Variants in ASIC2 observed in about 807,000 individuals in gnomAD.
The protein encoded by ASIC2 is acid sensing ion channel subunit 2, also known as acid-sensing ion channel 2.
A neutral mutation model predicts 57.3 loss-of-function variants in ASIC2; 25 were observed. The observed-to-expected ratio is 0.44, with a 90% CI of 0.32 to 0.61. The LOEUF (loss-of-function observed/expected upper bound fraction) is 0.61, where lower values mean the gene tolerates loss of function less well. Among genes scored for constraint, ASIC2 ranks in the 20% least tolerant of loss-of-function variants. ASIC2 has a pLI of 0.06. For synonymous variants in ASIC2, 319 were observed against 307.5 expected (o/e 1.04, Z -0.39); for missense variants, 641 against 738.1 (o/e 0.87, Z 1.52).
chr17:33,175,376 C>T (rs919003796), intron 1 of ASIC2, among the ~76,000 whole-genome samples: 1 of 152,140 alleles, frequency 6.6e-6, no homozygotes, highest in African/African-American at 2.4e-5. Flanking sequence ...CCGTGGGTAG[C>T]TTGTGTCTCC....
At chr17:33,487,333 C>T (rs561150312) in intron 1 of ASIC2, among the ~76,000 whole-genome samples, 2 of 152,228 alleles carry the variant, frequency 1.3e-5, no homozygotes, top group East Asian at 3.9e-4. Context: ...CAGGAGGGGC[C>T]CCACATTGAT....
intron 1 of ASIC2, among the ~76,000 whole-genome samples, chr17:33,678,032 T>A (rs2142055640): frequency 6.6e-6 from 1 of 152,280 alleles, no homozygotes; most frequent in African/African-American, 2.4e-5. Flanking sequence ...CAAACTTCAT[T>A]GTTTTATTTT....
rs1416095784 is a variant in ASIC2, at chr17:33,292,126, C to T, written c.-11G>A. 12 of 1,038,460 alleles carry T rather than the reference C, an allele frequency of 1.2e-5. 1 individual carries two copies. The highest frequency in any genetic ancestry group is 1.0e-4 in the African/African-American group (6 of 57,982). 64.3% of individuals were successfully genotyped at this position (1,038,460 alleles called of 1,614,324 possible). On this transcript the variant is annotated 5_prime_UTR_variant, in exon 1 of 10. Transcript: ENST00000225823. ...GCCAATCCGGCTCATTCATTCAGCC[C>T]GCGGCTGGCGGCAGCGGCGGCGGCC... is the stretch of plus-strand genomic sequence containing the variant.
chr17:33,579,570 G>A (rs190321289), intron 1 of ASIC2, among the ~76,000 whole-genome samples: 1 of 152,120 alleles, frequency 6.6e-6, no homozygotes, highest in East Asian at 1.9e-4. Flanking sequence ...GACCCTACTG[G>A]TGAGTGTTAC....
intron 1 of ASIC2, among the ~76,000 whole-genome samples, chr17:33,590,886 G>C (rs1489676601): frequency 6.6e-6 from 1 of 152,152 alleles, no homozygotes; most frequent in Non-Finnish European, 1.5e-5. Context: ...CCAAAGCTTG[G>C]TTTACTTGAT....
chr17:33,908,740 G>C (rs1915400419), intron 1 of ASIC2, among the ~76,000 whole-genome samples: 1 of 152,170 alleles, frequency 6.6e-6, no homozygotes, highest in African/African-American at 2.4e-5. Flanking sequence ...CTGATCCTTG[G>C]TGAGTTCCAC....
chr17:33,960,971 T>G (rs767263604), intron 1 of ASIC2, among the ~76,000 whole-genome samples: 3 of 152,062 alleles, frequency 2.0e-5, no homozygotes, highest in Non-Finnish European at 2.9e-5. Context: ...CTGAATGAGA[T>G]AAATAATGCA....
chr17:33,052,542 T>C (rs758102015), intron 3 of ASIC2: 1 of 152,254 alleles, frequency 6.6e-6, no homozygotes, highest in Non-Finnish European at 1.5e-5. Flanking sequence ...ATTGAGGAGC[T>C]TGGCAGGTGG....
At chr17:33,382,909 C>T (rs1197582440) in intron 1 of ASIC2, among the ~76,000 whole-genome samples, 4 of 152,176 alleles carry the variant, frequency 2.6e-5, no homozygotes, top group Non-Finnish European at 4.4e-5. Context: ...CCCAGACTTG[C>T]CATGTCTCTT....
intron 1 of ASIC2, among the ~76,000 whole-genome samples, chr17:33,808,258 C>G (rs1420940532): frequency 1.3e-5 from 2 of 152,188 alleles, no homozygotes; most frequent in African/African-American, 4.8e-5. Context: ...CGAATGCTGT[C>G]CCAGCACCAT....
At chr17:33,486,181 G>T (rs560906720) in intron 1 of ASIC2, among the ~76,000 whole-genome samples, 11 of 152,316 alleles carry the variant, frequency 7.2e-5, no homozygotes, top group African/African-American at 2.6e-4. Context: ...ACATAATAAA[G>T]ATGATGGTTG....
chr17:33,922,351 C>G (rs942001595), intron 1 of ASIC2, among the ~76,000 whole-genome samples: 4 of 151,898 alleles, frequency 2.6e-5, no homozygotes, highest in Admixed American at 1.3e-4. Context: ...GGATAACCAA[C>G]TTATTTCTAC....
At chr17:33,390,130 T>G (rs1001696457) in intron 1 of ASIC2, among the ~76,000 whole-genome samples, 2 of 152,024 alleles carry the variant, frequency 1.3e-5, no homozygotes, top group Non-Finnish European at 2.9e-5. Context: ...CTGGCTAGCA[T>G]GGCAAAACCC....
chr17:33,169,044 G>A (rs1296712480), intron 1 of ASIC2, among the ~76,000 whole-genome samples: 1 of 152,186 alleles, frequency 6.6e-6, no homozygotes, highest in African/African-American at 2.4e-5. Context: ...GGTTTCAGGG[G>A]ATGGGCCAGG....
chr17:34,109,944 T>TTG (rs563906818), intron 1 of ASIC2, among the ~76,000 whole-genome samples: 3 of 150,936 alleles, frequency 2.0e-5, no homozygotes, highest in South Asian at 4.2e-4. Context: ...GTGTGTGTGT[T>TTG]TGTGTGTGTG....
At chr17:33,070,627 C>T (rs545588102) in intron 3 of ASIC2, among the ~76,000 whole-genome samples, 8 of 152,290 alleles carry the variant, frequency 5.3e-5, no homozygotes, top group South Asian at 2.1e-4. Context: ...TGAGCCACCA[C>T]GCCCAGCCTT....
chr17:34,099,160 GAGAGAA>G (rs1194000690), intron 1 of ASIC2, among the ~76,000 whole-genome samples: 12 of 5,378 alleles, frequency 2.2e-3, no homozygotes, highest in East Asian at 7.9e-3. Flanking sequence ...GAGAGAGAGA[GAGAGAA>G]AGAAAGAAAG....
chr17:33,160,214 A>G (rs1016007672), intron 1 of ASIC2, among the ~76,000 whole-genome samples: 3 of 93,464 alleles, frequency 3.2e-5, no homozygotes, highest in South Asian at 3.9e-4. Context: ...GTTAAAAAAA[A>G]AAAAGAAAAG....
intron 1 of ASIC2, among the ~76,000 whole-genome samples, chr17:33,625,694 A>C (rs1905961703): frequency 6.6e-6 from 1 of 152,244 alleles, no homozygotes; most frequent in South Asian, 2.1e-4. Flanking sequence ...GTCCACTTTC[A>C]GGGAATACAC....
Sources: gnomAD v4.1 joint callset for allele counts (sites outside exome capture counted in the v4.1 genomes callset) on GRCh38, gnomAD v4.1.1 for gene constraint, MANE v1.5 for transcripts, NCBI Gene and HGNC (gene_info 2026-07-23, HGNC 2026-07-21) for gene names.